EML4: variants seen among roughly 807,000 people sequenced by gnomAD.
EML4 encodes echinoderm microtubule-associated protein-like 4.
Under a neutral mutation model 129.0 loss-of-function variants are expected in EML4, and 72 were observed. The ratio of observed to expected loss-of-function variants is 0.56; its 90% confidence interval spans 0.46 to 0.68. The LOEUF is 0.68. EML4 is among the 30% of genes least tolerant of loss of function. The pLI, the probability that EML4 is intolerant of heterozygous loss-of-function variation, is 0.00. For synonymous variants in EML4, 532 were observed against 405.0 expected, an observed-to-expected ratio of 1.31 and a Z score of -3.77; for missense variants, 1,363 against 1,190.6, an observed-to-expected ratio of 1.14 and a Z score of -2.13.
At chr2:42,296,042 C>T (rs1348404719) in intron 13 of EML4, among the ~76,000 whole-genome samples, 1 of 152,132 alleles carries the variant, frequency 6.6e-6, no homozygotes, top group East Asian at 1.9e-4. Flanking sequence ...GTTTTATTTG[C>T]ACCCAAATAT....
intron 5 of EML4, among the ~76,000 whole-genome samples, chr2:42,264,494 C>G (rs1375457326): frequency 6.6e-6 from 1 of 152,086 alleles, no homozygotes; most frequent in Non-Finnish European, 1.5e-5. Context: ...TGTTTAGATG[C>G]TCTTGTGGGA....
At chr2:42,247,442 GC>G (rs913407752) in intron 2 of EML4, among the ~76,000 whole-genome samples, 1 of 152,102 alleles carries the variant, frequency 6.6e-6, no homozygotes, top group Non-Finnish European at 1.5e-5. Context: ...GTATCATTCT[GC>G]CCGGTTTTGT....
intron 1 of EML4, among the ~76,000 whole-genome samples, chr2:42,233,459 C>G (rs1257968170): frequency 2.0e-5 from 3 of 151,882 alleles, no homozygotes; most frequent in African/African-American, 7.3e-5. Context: ...GCACCCGCCA[C>G]CATGCCCAGC....
At chr2:42,286,617 G>C (rs796735866) in intron 10 of EML4, among the ~76,000 whole-genome samples, 25 of 152,348 alleles carry the variant, frequency 1.6e-4, no homozygotes, top group African/African-American at 5.8e-4. Context: ...GAATTATGCT[G>C]CCTTGAGGTA....
At chr2:42,239,778 G>T (rs911202261) in intron 1 of EML4, among the ~76,000 whole-genome samples, 1 of 151,626 alleles carries the variant, frequency 6.6e-6, no homozygotes, top group Non-Finnish European at 1.5e-5. Flanking sequence ...GGCGGGGGGT[G>T]GGGTGTAAGG....
Position 42,316,012 on chromosome 2 carries a change from A to G in EML4, c.2018A>G (p.Asp673Gly). Residue 673 changes from aspartate (D) to glycine (G), a missense_variant, in exon 18 of 23, where the codon GAC (aspartate) becomes GGC (glycine). Physicochemically the swap from Asp to Gly is moderately conservative, Grantham distance 94. Transcript: ENST00000318522. ...ETRDLVSIHT[D>G]GNEQLSVMRY... ...AGAGATCTAGTTTCTATCCACACAGACGGGAATGAACAGCTCTCTGTGATG... is the reference window on the plus strand; with the variant it reads ...AGAGATCTAGTTTCTATCCACACAGGCGGGAATGAACAGCTCTCTGTGATG... The G allele has an allele frequency of 6.2e-7, 1 of 1,613,956 alleles. No individual in the cohort carries two copies. The highest frequency in any genetic ancestry group is 8.5e-7 in the Non-Finnish European group (1 of 1,179,844).
intron 1 of EML4, among the ~76,000 whole-genome samples, chr2:42,171,273 A>G (rs574432318): frequency 6.6e-6 from 1 of 152,158 alleles, no homozygotes; most frequent in Non-Finnish European, 1.5e-5. Context: ...GTGTCTTCTT[A>G]GGGGATGTTG....
chr2:42,295,292 G>A (rs753656113), intron 12 of EML4, 33 bp downstream of exon 12: 5 of 1,599,562 alleles, frequency 3.1e-6, no homozygotes, highest in Non-Finnish European at 8.5e-7. Flanking sequence ...GTCATTAGGT[G>A]TATAAGACTT....
At chr2:42,238,552 G>C (rs1008224184) in intron 1 of EML4, among the ~76,000 whole-genome samples, 2 of 152,142 alleles carry the variant, frequency 1.3e-5, no homozygotes, top group Non-Finnish European at 2.9e-5. Context: ...AGACCAGCTT[G>C]GGCAATATTG....
intron 1 of EML4, among the ~76,000 whole-genome samples, chr2:42,204,659 A>G (rs945992339): frequency 3.9e-5 from 6 of 152,238 alleles, no homozygotes; most frequent in African/African-American, 1.4e-4. Flanking sequence ...CCATACAACT[A>G]AGGGATGGTG....
At chr2:42,269,066 A>G (rs1303409530) in intron 6 of EML4, among the ~76,000 whole-genome samples, 1 of 152,194 alleles carries the variant, frequency 6.6e-6, no homozygotes, top group East Asian at 1.9e-4. Flanking sequence ...CAGTACAGTG[A>G]TATCCTAACT....
rs1485742635 is a variant in EML4 at position 42,169,409 on chromosome 2, G to T, written c.-203G>T. On this transcript the variant is annotated 5_prime_UTR_variant, in exon 1 of 23. Transcript: ENST00000318522. ...GCCGGGCAGGCGGCTGAGCGGCGCG[G>T]CTCTCAACGTGACGGGGAAGTGGTT... is the stretch of plus-strand genomic sequence containing the variant. The T allele has an allele frequency of 4.4e-6, 2 of 453,128 alleles. No individual in the cohort carries two copies. Among genetic ancestry groups the T allele is most frequent in the Non-Finnish European group, 7.8e-6 (2 of 256,978 alleles). The allele number at this position is 453,128 out of a possible 1,614,324, so 28.1% of individuals were successfully genotyped here.
At chr2:42,252,174 T>C (rs11693238) in intron 2 of EML4, among the ~76,000 whole-genome samples, 44,453 of 152,152 alleles carry the variant, frequency 0.29, 7,737 homozygotes, top group East Asian at 0.57. Context: ...AACTTTACTG[T>C]GTTAGTCTAC....
chr2:42,241,905 A>C (rs1675062950), intron 1 of EML4, among the ~76,000 whole-genome samples: 1 of 151,888 alleles, frequency 6.6e-6, no homozygotes, highest in South Asian at 2.1e-4. Flanking sequence ...ATAAATATGA[A>C]AGGCACAATA....
chr2:42,304,697 G>T, intron 17 of EML4, 146 bp downstream of exon 17: 1 of 663,378 alleles, frequency 1.5e-6, no homozygotes, highest in Non-Finnish European at 2.7e-6. Flanking sequence ...TATATTCATA[G>T]AATTCAATTA....
At chr2:42,218,145 C>T (rs180750168) in intron 1 of EML4, among the ~76,000 whole-genome samples, 6 of 152,208 alleles carry the variant, frequency 3.9e-5, no homozygotes, top group Admixed American at 2.6e-4. Context: ...TCATTACCAC[C>T]TACGCTTTGC....
At chr2:42,283,323 T>C (rs1030519129) in intron 8 of EML4, among the ~76,000 whole-genome samples, 4 of 152,214 alleles carry the variant, frequency 2.6e-5, no homozygotes, top group Admixed American at 2.0e-4. Context: ...TCGATATTTA[T>C]TGAGGATTTG....
intron 1 of EML4, among the ~76,000 whole-genome samples, chr2:42,240,095 A>G (rs1307757521): frequency 6.6e-6 from 1 of 152,140 alleles, no homozygotes; most frequent in Non-Finnish European, 1.5e-5. Context: ...GGACTTCAAG[A>G]TAGTGTCTGT....
chr2:42,230,042 C>G (rs1005611131), intron 1 of EML4, among the ~76,000 whole-genome samples: 2 of 152,088 alleles, frequency 1.3e-5, no homozygotes, highest in East Asian at 3.8e-4. Flanking sequence ...CAGATTCCCC[C>G]TCAGCTACAC....
Sources: gnomAD v4.1 joint callset for allele counts (sites outside exome capture counted in the v4.1 genomes callset) on GRCh38, gnomAD v4.1.1 for gene constraint, MANE v1.5 for transcripts, NCBI Gene and HGNC (gene_info 2026-07-23, HGNC 2026-07-21) for gene names.